The following PAK3 variants were observed in gnomAD, a reference collection of about 807,000 sequenced individuals.
The protein encoded by PAK3 is p21 (RAC1) activated kinase 3.
PAK3 carries 4 observed loss-of-function variants against 41.0 expected under a neutral mutation model. That is an observed-to-expected ratio of 0.10 (90% CI 0.05 to 0.22). The LOEUF is 0.22. Among genes scored for constraint, PAK3 ranks in the 10% least tolerant of loss-of-function variants. The probability of loss-of-function intolerance (pLI) is 1.00; values close to 1 mark genes in which losing one functional copy is unlikely to be tolerated. For missense variants in PAK3, 205 were observed against 409.9 expected (o/e 0.50, Z 4.32); for synonymous variants, 146 against 139.6 (o/e 1.05, Z -0.32).
At chrX:110,962,209 A>G (rs1569497107) in intron 1 of PAK3, among the ~76,000 whole-genome samples, 1 of 112,131 alleles carries the variant, frequency 8.9e-6, no homozygotes, top group Non-Finnish European at 1.9e-5. Context: ...GAAATTCTGC[A>G]GGAACCTCAA....
intron 11 of PAK3, among the ~76,000 whole-genome samples, chrX:111,189,740 A>G (rs958778241): frequency 7.2e-5 from 8 of 111,752 alleles, no homozygotes; most frequent in Non-Finnish European, 1.1e-4. Context: ...TTTTTAAATC[A>G]TATTTTGCAA....
intron 11 of PAK3, among the ~76,000 whole-genome samples, chrX:111,187,176 T>C (rs1457887379): frequency 1.8e-5 from 2 of 112,263 alleles, no homozygotes; most frequent in Non-Finnish European, 3.8e-5. Flanking sequence ...TAATTACAAG[T>C]TGATATAATT....
chrX:111,152,366 A>G (rs1266229534), intron 7 of PAK3, 44 bp from the exon 8 acceptor site: 1 of 949,547 alleles, frequency 1.1e-6, no homozygotes, highest in African/African-American at 2.0e-5. Flanking sequence ...TGAATGAAAC[A>G]TTCTTTATGA....
chrX:111,163,572 G>A lies in PAK3; in HGVS notation c.611G>A (p.Arg204His). The A allele has an allele frequency of 8.3e-7, 1 of 1,204,070 alleles. No individual in the cohort carries two copies. Among genetic ancestry groups the A allele is most frequent in the Non-Finnish European group, 1.1e-6 (1 of 889,726 alleles). ...TTTTGGTTTTTTTAGATCTATACTC[G>A]TTCTGTGGTTGAATCCATTGCTTCA... is the stretch of plus-strand genomic sequence containing the variant. Reference protein sequence around the residue: ...RPEHTKSIYTRSVVESIASPA... With the variant: ...RPEHTKSIYTHSVVESIASPA... Residue 204 changes from arginine to histidine, a missense_variant, in exon 10 of 18, where the codon CGT (arginine) becomes CAT (histidine). Physicochemically the swap from Arg to His is conservative, Grantham distance 29. Coordinates refer to ENST00000372007, the MANE Select transcript of PAK3 (RefSeq NM_002578.5).
intron 1 of PAK3, among the ~76,000 whole-genome samples, chrX:111,012,880 T>C (rs919242453): frequency 8.9e-6 from 1 of 111,780 alleles, no homozygotes; most frequent in African/African-American, 3.3e-5. Flanking sequence ...CTTTCCTGGC[T>C]CAAGCAATTT....
intron 1 of PAK3, among the ~76,000 whole-genome samples, chrX:111,019,886 C>CCA (rs998229414): frequency 2.1e-4 from 23 of 109,844 alleles, no homozygotes; most frequent in Admixed American, 1.9e-3. Context: ...ATTTTACAAA[C>CCA]CACACACACA....
Position 111,206,162 on chromosome X carries a change from C to T in PAK3, c.1407+9522C>T, listed in dbSNP as rs567432992. ...TTTCTCTTTGTCCTCATTCCACCAGCGATATTCTCCTCCCATTGTCTTTTG... is the reference window on the plus strand; with the variant it reads ...TTTCTCTTTGTCCTCATTCCACCAGTGATATTCTCCTCCCATTGTCTTTTG... On this transcript the variant is annotated intron_variant, in intron 16 of 17. Transcript: ENST00000372007. 1.1e-4 allele frequency among the ~76,000 whole-genome samples: 12 copies of T among 111,184 alleles called. No homozygotes were observed. The South Asian group carries it at 2.3e-3, about 22-fold the overall frequency.
At chrX:111,150,939 T>A (rs780879773) in intron 7 of PAK3, among the ~76,000 whole-genome samples, 1 of 111,766 alleles carries the variant, frequency 8.9e-6, no homozygotes, top group African/African-American at 3.2e-5. Flanking sequence ...TAAGCAGGCT[T>A]TAAGTTTCTT....
chrX:111,046,178 G>C (rs1159485943), intron 1 of PAK3, among the ~76,000 whole-genome samples: 1 of 111,479 alleles, frequency 9.0e-6, no homozygotes, highest in African/African-American at 3.3e-5. Context: ...CACTGTGCTG[G>C]GTGCTTTACA....
At chrX:111,193,448 C>A (rs1362633508) in intron 13 of PAK3, among the ~76,000 whole-genome samples, 1 of 105,362 alleles carries the variant, frequency 9.5e-6, no homozygotes, top group African/African-American at 3.5e-5. Flanking sequence ...CTCCTACGTT[C>A]AAGCAATTCT....
At chrX:111,050,730 G>A (rs576532393) in intron 1 of PAK3, among the ~76,000 whole-genome samples, 51 of 112,337 alleles carry the variant, frequency 4.5e-4, no homozygotes, top group African/African-American at 1.6e-3. Flanking sequence ...TGAACCCTTG[G>A]TGGGAGCCAA....
At position 111,163,650 on chromosome X, in the gene PAK3, C is replaced by T. The variant is rs1050534399; in HGVS notation, c.689C>T (p.Ser230Phe). 8.4e-7 allele frequency: 1 copy of T among 1,197,385 alleles called. No homozygotes were observed. Among genetic ancestry groups the T allele is most frequent in the Non-Finnish European group, 1.1e-6 (1 of 884,107 alleles). Residue 230 changes from serine (S) to phenylalanine (F), a missense_variant, in exon 10 of 18, where the codon TCC becomes TTC. Around this residue, in one of 5 missense-constraint regions of PAK3, gnomAD observed 75 missense variants for 91.9 expected, o/e 0.82. Coordinates refer to ENST00000372007, the MANE Select transcript of PAK3 (RefSeq NM_002578.5). ...CCACCCTCTGCTGAAAATGCCAATT[C>T]CAGTACTTTGTACAGGAACACAGAT... ...VTPPSAENAN[S>F]STLYRNTDRQ...
At chrX:110,965,970 C>T (rs1258536307) in intron 1 of PAK3, among the ~76,000 whole-genome samples, 2 of 111,774 alleles carry the variant, frequency 1.8e-5, no homozygotes, top group Non-Finnish European at 3.8e-5. Flanking sequence ...CCAGAGGCCA[C>T]GTCGTATGCA....
intron 11 of PAK3, among the ~76,000 whole-genome samples, chrX:111,184,836 T>C (rs2094494178): frequency 3.6e-5 from 4 of 111,613 alleles, no homozygotes; most frequent in Admixed American, 2.9e-4. Flanking sequence ...ACTTTGCTAT[T>C]GTGAATAGTG....
intron 11 of PAK3, among the ~76,000 whole-genome samples, chrX:111,177,821 A>G (rs1304469311): frequency 1.8e-5 from 2 of 111,986 alleles, no homozygotes; most frequent in African/African-American, 6.5e-5. Flanking sequence ...GTCCTCACAG[A>G]TTTCTCATTA....
chrX:110,946,954 A>G (rs762640302), intron 1 of PAK3, among the ~76,000 whole-genome samples: 1 of 112,371 alleles, frequency 8.9e-6, no homozygotes, highest in Non-Finnish European at 1.9e-5. Flanking sequence ...AAATGGATAT[A>G]TAATAACTGC....
At chrX:111,165,830 G>A (rs937468723) in intron 10 of PAK3, among the ~76,000 whole-genome samples, 2 of 111,556 alleles carry the variant, frequency 1.8e-5, no homozygotes, top group African/African-American at 6.6e-5. Flanking sequence ...TTATTTTCTT[G>A]GACCAAAATC....
intron 3 of PAK3, among the ~76,000 whole-genome samples, chrX:111,102,712 T>C (rs897949549): frequency 8.9e-6 from 1 of 112,313 alleles, no homozygotes; most frequent in African/African-American, 3.2e-5. Flanking sequence ...TACACATTGC[T>C]CCATAATTAT....
intron 1 of PAK3, among the ~76,000 whole-genome samples, chrX:111,008,911 A>C (rs1474210374): frequency 1.8e-5 from 2 of 111,509 alleles, no homozygotes; most frequent in East Asian, 5.7e-4. Flanking sequence ...GGTTACAGGA[A>C]AGACACAAAT....
Sources: gnomAD v4.1 joint callset for allele counts (sites outside exome capture counted in the v4.1 genomes callset) on GRCh38, gnomAD v4.1.1 for gene constraint, gnomAD v4.1.1 regional missense constraint, MANE v1.5 for transcripts, NCBI Gene and HGNC (gene_info 2026-07-23, HGNC 2026-07-21) for gene names.